The following JAKMIP2 variants were observed in gnomAD, a reference collection of about 807,000 sequenced individuals.
The protein encoded by JAKMIP2 is janus kinase and microtubule interacting protein 2.
A neutral mutation model predicts 115.0 loss-of-function variants in JAKMIP2; 25 were observed. That is an observed-to-expected ratio of 0.22 (90% confidence interval 0.16 to 0.30). The LOEUF is 0.30. JAKMIP2 is among the 10% of genes least tolerant of loss of function. The pLI is 1.00. For missense variants in JAKMIP2, 642 were observed against 957.6 expected (o/e 0.67, Z 4.35); for synonymous variants, 334 against 343.6 (o/e 0.97, Z 0.31).
chr5:147,761,395 CATG>C (rs1224754847), intron 1 of JAKMIP2, among the ~76,000 whole-genome samples: 4 of 151,964 alleles, frequency 2.6e-5, no homozygotes, highest in African/African-American at 9.7e-5. Flanking sequence ...CCATTTTACA[CATG>C]AGGAGTCTGG....
intron 1 of JAKMIP2, among the ~76,000 whole-genome samples, chr5:147,741,892 C>A (rs1335010262): frequency 6.6e-6 from 1 of 151,772 alleles, no homozygotes; most frequent in South Asian, 2.1e-4. Flanking sequence ...TATGTCCCAA[C>A]CTTAACAATA....
At chr5:147,734,459 A>G (rs1753843644) in intron 1 of JAKMIP2, among the ~76,000 whole-genome samples, 1 of 139,684 alleles carries the variant, frequency 7.2e-6, no homozygotes, top group Non-Finnish European at 1.5e-5. Flanking sequence ...CAATGAGAAC[A>G]TATGGACAGA....
intron 1 of JAKMIP2, among the ~76,000 whole-genome samples, chr5:147,698,153 G>A (rs1752180073): frequency 6.6e-6 from 1 of 152,144 alleles, no homozygotes. Context: ...GAGATCATTT[G>A]GAAACTTTAG....
intron 1 of JAKMIP2, among the ~76,000 whole-genome samples, chr5:147,715,232 C>T (rs777156931): frequency 4.0e-5 from 6 of 151,550 alleles, no homozygotes; most frequent in Non-Finnish European, 5.9e-5. Flanking sequence ...AATAAAGGAA[C>T]GAGGAAGAAA....
intron 16 of JAKMIP2, among the ~76,000 whole-genome samples, chr5:147,628,009 CT>C (rs58358473): frequency 0.064 from 9,023 of 141,044 alleles, 571 homozygotes; most frequent in African/African-American, 0.16. Flanking sequence ...TTTACTGGTA[CT>C]TTTTTTTTTT....
chr5:147,775,229 C>T (rs1474828657), intron 1 of JAKMIP2, among the ~76,000 whole-genome samples: 1 of 152,120 alleles, frequency 6.6e-6, no homozygotes, highest in East Asian at 1.9e-4. Context: ...TATTTGATTT[C>T]AAAACTCTCA....
At chr5:147,674,764 G>C (rs367961509) in intron 1 of JAKMIP2, among the ~76,000 whole-genome samples, 1 of 152,228 alleles carries the variant, frequency 6.6e-6, no homozygotes, top group South Asian at 2.1e-4. Context: ...AATTGACCAA[G>C]GTCATTGGTG....
chr5:147,594,729 G>T (rs1755277636), intron 21 of JAKMIP2, among the ~76,000 whole-genome samples: 2 of 152,036 alleles, frequency 1.3e-5, no homozygotes, highest in Admixed American at 1.3e-4. Flanking sequence ...CACCATCTAG[G>T]AACACAAGGG....
At chr5:147,611,309 G>A (rs565791776) in intron 20 of JAKMIP2, among the ~76,000 whole-genome samples, 2 of 152,310 alleles carry the variant, frequency 1.3e-5, no homozygotes, top group South Asian at 4.1e-4. Context: ...CAGGGCCCTT[G>A]TGGTGTAGGC....
chr5:147,653,836 G>T (rs983444833), intron 3 of JAKMIP2, among the ~76,000 whole-genome samples: 1 of 152,098 alleles, frequency 6.6e-6, no homozygotes, highest in African/African-American at 2.4e-5. Flanking sequence ...AGGTTTGTAT[G>T]GTTTTGGGTT....
At chr5:147,605,215 T>C (rs1415861765) in intron 20 of JAKMIP2, among the ~76,000 whole-genome samples, 1 of 146,982 alleles carries the variant, frequency 6.8e-6, no homozygotes, top group Non-Finnish European at 1.5e-5. Flanking sequence ...TTTTTTTTTT[T>C]TTTTTTTTTT....
chr5:147,717,199 A>G (rs1385209915), intron 1 of JAKMIP2, among the ~76,000 whole-genome samples: 2 of 47,004 alleles, frequency 4.3e-5, no homozygotes, highest in Non-Finnish European at 7.8e-5. Flanking sequence ...TGTTCCATTG[A>G]TCTATATCTC....
intron 2 of JAKMIP2, among the ~76,000 whole-genome samples, chr5:147,662,202 C>A (rs186860728): frequency 2.0e-4 from 29 of 141,762 alleles, no homozygotes; most frequent in African/African-American, 5.8e-4. Flanking sequence ...AAAACCACCA[C>A]CAACAACAAA....
chr5:147,662,202 CCAA>C (rs999843206), intron 2 of JAKMIP2, among the ~76,000 whole-genome samples: 49 of 141,762 alleles, frequency 3.5e-4, no homozygotes, highest in African/African-American at 1.3e-3. Context: ...AAAACCACCA[CCAA>C]CAACAAAACT....
At chr5:147,628,631 A>G (rs1318562573) in intron 16 of JAKMIP2, 120 bp downstream of exon 16, 2 of 627,758 alleles carry the variant, frequency 3.2e-6, no homozygotes, top group South Asian at 2.8e-5. Flanking sequence ...TAAAAATAAA[A>G]TGTGTATTAG....
chr5:147,735,244 C>T (rs1753876517), intron 1 of JAKMIP2, among the ~76,000 whole-genome samples: 1 of 152,152 alleles, frequency 6.6e-6, no homozygotes, highest in African/African-American at 2.4e-5. Flanking sequence ...TCAAGTGAGA[C>T]AACTTACAGA....
At chr5:147,629,445 C>T (rs953374972) in intron 15 of JAKMIP2, among the ~76,000 whole-genome samples, 1 of 152,060 alleles carries the variant, frequency 6.6e-6, no homozygotes, top group African/African-American at 2.4e-5. Flanking sequence ...GAGATGTGGT[C>T]GACATTCAAA....
Position 147,585,471 on chromosome 5 carries a change from T to C in JAKMIP2, c.*6236A>G, listed in dbSNP as rs533355889. On this transcript the variant is annotated 3_prime_UTR_variant, in exon 22 of 22. Transcript: ENST00000616793. ...AAATGCAGCTTGTTTTATTTTTATA[T>C]AAACTAAAACACCAGAGTTCATCGA... The C allele has an allele frequency of 2.0e-5, 3 of 152,304 alleles. No homozygotes were observed. The South Asian group carries it at 6.2e-4, about 32-fold the overall frequency. The allele number at this position is 152,304 out of a possible 1,614,324, so 9.4% of individuals were successfully genotyped here.
intron 20 of JAKMIP2, among the ~76,000 whole-genome samples, chr5:147,602,580 A>C (rs576897843): frequency 6.6e-6 from 1 of 152,118 alleles, no homozygotes; most frequent in Non-Finnish European, 1.5e-5. Flanking sequence ...GTTTCTCTTC[A>C]CCAAATTTTT....
Sources: allele counts gnomAD v4.1 joint callset (sites outside exome capture counted in the v4.1 genomes callset), GRCh38; gene constraint gnomAD v4.1.1; transcripts MANE v1.5; gene names NCBI Gene and HGNC (gene_info 2026-07-23, HGNC 2026-07-21).